The following ZNF254 variants were observed in gnomAD, a reference collection of about 807,000 sequenced individuals.
ZNF254 encodes zinc finger protein 254.
A neutral mutation model predicts 12.4 loss-of-function variants in ZNF254; 10 were observed. The observed-to-expected ratio is 0.80, with a 90% CI of 0.50 to 1.36. The LOEUF (loss-of-function observed/expected upper bound fraction) is 1.36. Ranked by LOEUF, ZNF254 falls within the 40% of genes most tolerant of loss-of-function variation. ZNF254 has a pLI of 0.00. For missense variants in ZNF254, 996 were observed against 763.9 expected (o/e 1.30, Z -3.58); for synonymous variants, 305 against 253.4 (o/e 1.20, Z -1.93).
At chr19:24,070,106 C>T (rs996088047) in intron 2 of ZNF254, among the ~76,000 whole-genome samples, 1 of 152,122 alleles carries the variant, frequency 6.6e-6, no homozygotes, top group African/African-American at 2.4e-5. Context: ...TGACTCACTT[C>T]TAAATGTAGT....
At chr19:24,124,194 ATATTT>A (rs1193096821) in intron 3 of ZNF254, among the ~76,000 whole-genome samples, 2 of 152,118 alleles carry the variant, frequency 1.3e-5, no homozygotes, top group Admixed American at 6.5e-5. Context: ...ATACAACAAC[ATATTT>A]TAATCTGGTA....
Position 24,128,073 on chromosome 19 carries a change from A to G in ZNF254, c.*93A>G. 7.6e-7 allele frequency: 1 copy of G among 1,315,604 alleles called. No homozygotes were observed. The highest frequency in any genetic ancestry group is 1.0e-6 in the Non-Finnish European group (1 of 996,328). 81.5% of individuals were successfully genotyped at this position (1,315,604 alleles called of 1,614,324 possible). A position where few individuals can be genotyped will look rare whatever the true frequency, so the allele number is the denominator to read the frequency against. ...AACTACAAACCTGAGAGAGGCGCTAATGCTTTTGACAGTACCTAAAACTTT... is the reference window on the plus strand; with the variant it reads ...AACTACAAACCTGAGAGAGGCGCTAGTGCTTTTGACAGTACCTAAAACTTT... On this transcript the variant is annotated 3_prime_UTR_variant, in exon 4 of 4. Coordinates refer to ENST00000357002, the MANE Select transcript of ZNF254 (RefSeq NM_203282.4).
chr19:24,087,806 T>C (rs764138932), intron 1 of ZNF254, among the ~76,000 whole-genome samples: 3 of 152,182 alleles, frequency 2.0e-5, no homozygotes, highest in Admixed American at 6.5e-5. Context: ...GTTTGTACTT[T>C]TGTGGTCCAT....
At chr19:24,094,785 C>G (rs888036669) in intron 1 of ZNF254, among the ~76,000 whole-genome samples, 1 of 152,074 alleles carries the variant, frequency 6.6e-6, no homozygotes, top group East Asian at 1.9e-4. Context: ...CTTCTGGGTT[C>G]AAGTGATTCT....
chr19:24,114,057 G>A (rs529852338), intron 3 of ZNF254, among the ~76,000 whole-genome samples: 4 of 151,726 alleles, frequency 2.6e-5, no homozygotes, highest in African/African-American at 9.7e-5. Context: ...AACATTCCAT[G>A]CTCATGGGTA....
chr19:24,057,635 ATGT>A (rs1970910624), intron 2 of ZNF254, among the ~76,000 whole-genome samples: 1 of 152,212 alleles, frequency 6.6e-6, no homozygotes, highest in African/African-American at 2.4e-5. Flanking sequence ...AATCCACTGG[ATGT>A]TCTGAATCTC....
chr19:24,044,446 G>GA (rs1054168456), intron 1 of ZNF254, among the ~76,000 whole-genome samples: 1 of 151,440 alleles, frequency 6.6e-6, no homozygotes, highest in Non-Finnish European at 1.5e-5. Flanking sequence ...GCTGAGGCAA[G>GA]AAAATGGCAT....
At chr19:24,050,599 A>C (rs1370059169) in intron 2 of ZNF254, among the ~76,000 whole-genome samples, 1 of 152,178 alleles carries the variant, frequency 6.6e-6, no homozygotes, top group Non-Finnish European at 1.5e-5. Context: ...AATTTAGCAT[A>C]CAGGTGATAT....
intron 2 of ZNF254, among the ~76,000 whole-genome samples, chr19:24,050,648 A>G (rs1031530773): frequency 6.6e-6 from 1 of 152,220 alleles, no homozygotes; most frequent in African/African-American, 2.4e-5. Flanking sequence ...TGTAACATAT[A>G]TGTGGGCCCA....
chr19:24,048,623 T>C (rs1359426990), intron 2 of ZNF254, among the ~76,000 whole-genome samples: 2 of 152,104 alleles, frequency 1.3e-5, no homozygotes, highest in Non-Finnish European at 2.9e-5. Flanking sequence ...CTGTGTTTTG[T>C]TTGTTTGTTT....
chr19:24,036,425 GC>G (rs1007735194), intron 1 of ZNF254, among the ~76,000 whole-genome samples: 5 of 151,942 alleles, frequency 3.3e-5, no homozygotes, highest in Non-Finnish European at 7.4e-5. Context: ...GATTATGAGA[GC>G]CCCCAGTTTA....
chr19:24,120,727 A>G (rs1018124240), intron 3 of ZNF254, among the ~76,000 whole-genome samples: 4 of 152,006 alleles, frequency 2.6e-5, no homozygotes, highest in East Asian at 1.9e-4. Flanking sequence ...CAGCGGGACA[A>G]TCTCAGCTCC....
chr19:24,126,552 TA>T lies in ZNF254; in HGVS notation c.558del (p.Lys186AsnfsTer73). 1 of 1,603,624 alleles carries T rather than the reference TA, an allele frequency of 6.2e-7. No individual in the cohort carries two copies. Among genetic ancestry groups the T allele is most frequent in the Non-Finnish European group, 8.5e-7 (1 of 1,177,046 alleles). ...RHTEKKSFKC[K>X]KRVKLFCMLS... The stretch of plus-strand genomic sequence containing the variant: ...ATACTGAAAAGAAATCTTTCAAATG[TA>T]AAAAACGTGTCAAATTATTTTGCAT... On this transcript the variant is annotated frameshift_variant, in exon 4 of 4. Coordinates refer to ENST00000357002, the MANE Select transcript of ZNF254 (RefSeq NM_203282.4). LOFTEE classifies it low-confidence loss of function (END_TRUNC).
At chr19:24,116,410 T>C (rs1974078803) in intron 3 of ZNF254, among the ~76,000 whole-genome samples, 1 of 152,114 alleles carries the variant, frequency 6.6e-6, no homozygotes, top group African/African-American at 2.4e-5. Context: ...TATTCTTTTT[T>C]CTCTAAACTT....
At chr19:24,123,994 TG>T (rs1453210759) in intron 3 of ZNF254, among the ~76,000 whole-genome samples, 1 of 152,038 alleles carries the variant, frequency 6.6e-6, no homozygotes, top group African/African-American at 2.4e-5. Flanking sequence ...AATAATTTTC[TG>T]AAATAGAAAG....
At chr19:24,042,257 A>G (rs768684116) in intron 1 of ZNF254, among the ~76,000 whole-genome samples, 71 of 152,256 alleles carry the variant, frequency 4.7e-4, no homozygotes, top group Non-Finnish European at 8.5e-4. Context: ...GAACCTTTGT[A>G]TCTTGCTCAG....
intron 3 of ZNF254, among the ~76,000 whole-genome samples, chr19:24,125,529 C>G (rs766916351): frequency 4.5e-4 from 69 of 151,962 alleles, no homozygotes; most frequent in Non-Finnish European, 7.9e-4. Context: ...AGCTACTTGT[C>G]AAAATCTTAT....
chr19:24,058,798 C>A (rs1175533092), intron 2 of ZNF254, among the ~76,000 whole-genome samples: 1 of 152,166 alleles, frequency 6.6e-6, no homozygotes, highest in East Asian at 1.9e-4. Flanking sequence ...TGTTAACTCT[C>A]CTCTGCTTTG....
At chr19:24,042,650 C>T (rs138611526) in intron 1 of ZNF254, among the ~76,000 whole-genome samples, 4,738 of 152,236 alleles carry the variant, frequency 0.031, 130 homozygotes, top group South Asian at 0.065. Flanking sequence ...GGGTCCGCGG[C>T]TTCATTCTTG....
Sources: gnomAD v4.1 joint callset for allele counts (sites outside exome capture counted in the v4.1 genomes callset) on GRCh38, gnomAD v4.1.1 for gene constraint, MANE v1.5 for transcripts, NCBI Gene and HGNC (gene_info 2026-07-23, HGNC 2026-07-21) for gene names.